The following SMCO4 variants were observed in gnomAD, a reference collection of about 807,000 sequenced individuals.
SMCO4 encodes the protein single-pass membrane and coiled-coil domain-containing protein 4.
A neutral mutation model predicts 3.6 loss-of-function variants in SMCO4; 4 were observed. That is an observed-to-expected ratio of 1.11 (90% confidence interval 0.54 to 2.53). The LOEUF is 2.53. Ranked by LOEUF, SMCO4 falls within the 30% of genes most tolerant of loss-of-function variation. The pLI is 0.02. For missense variants in SMCO4, 70 were observed against 80.8 expected (o/e 0.87, Z 0.51); for synonymous variants, 36 against 35.3 (o/e 1.02, Z -0.07).
chr11:93,545,004 C>G (rs1949304617), upstream of SMCO4, among the ~76,000 whole-genome samples: 1 of 152,132 alleles, frequency 6.6e-6, no homozygotes, highest in Non-Finnish European at 1.5e-5. Context: ...TAGCTCCACA[C>G]TAGGGCAGAG....
At chr11:93,543,856 C>T (rs6483252), upstream of SMCO4, among the ~76,000 whole-genome samples, 149,500 of 152,334 alleles carry the variant, frequency 0.98, 73,415 homozygotes, top group East Asian at 1. Flanking sequence ...TGAGTTGAGA[C>T]TTTTACCGCT....
chr11:93,479,233 G>A lies in SMCO4; in HGVS notation c.-44C>T. 6.3e-7 allele frequency: 1 copy of A among 1,592,148 alleles called. No homozygotes were observed. On this transcript the variant is annotated 5_prime_UTR_variant, in exon 3 of 3. Coordinates refer to ENST00000298966, the MANE Select transcript of SMCO4 (RefSeq NM_020179.3). ...GGAGGGTGTGTCCAGAGGGATTCCA[G>A]GAAGGGCCACACTCCTCTTGCCAAG...
At chr11:93,504,986 G>A (rs1948885373) in intron 1 of SMCO4, among the ~76,000 whole-genome samples, 1 of 152,192 alleles carries the variant, frequency 6.6e-6, no homozygotes, top group African/African-American at 2.4e-5. Flanking sequence ...TTCTAAGTAT[G>A]TTTATGCATA....
At chr11:93,481,575 T>A in intron 2 of SMCO4, 1 of 955,306 alleles carries the variant, frequency 1.0e-6, no homozygotes, top group Non-Finnish European at 1.2e-6. Context: ...CAGGCTTTAT[T>A]ATCCCCATCA....
upstream of SMCO4, among the ~76,000 whole-genome samples, chr11:93,546,038 C>T (rs1162279501): frequency 6.6e-6 from 1 of 152,174 alleles, no homozygotes; most frequent in African/African-American, 2.4e-5. Context: ...CCAGCCAACC[C>T]AGGAATTGTG....
chr11:93,532,603 T>A (rs1051236452), intron 1 of SMCO4, among the ~76,000 whole-genome samples: 4 of 152,194 alleles, frequency 2.6e-5, no homozygotes, highest in African/African-American at 9.7e-5. Context: ...TCTGTCTATG[T>A]CCTATTGGTT....
chr11:93,550,287 C>A, the SMCO4 span, among the ~76,000 whole-genome samples: 3 of 152,278 alleles, frequency 2.0e-5, no homozygotes, highest in South Asian at 6.2e-4. Flanking sequence ...GCTCTTCTAA[C>A]TCCTTTCAGA....
At chr11:93,522,169 G>T (rs975077118) in intron 1 of SMCO4, among the ~76,000 whole-genome samples, 3 of 152,150 alleles carry the variant, frequency 2.0e-5, no homozygotes, top group African/African-American at 7.2e-5. Context: ...CGGGTTAATT[G>T]GATTTGTATC....
chr11:93,489,341 A>G (rs1317840014), intron 2 of SMCO4, among the ~76,000 whole-genome samples: 2 of 152,362 alleles, frequency 1.3e-5, no homozygotes, highest in Admixed American at 6.5e-5. Flanking sequence ...GAATAATGAC[A>G]AAATAATTAT....
At chr11:93,494,957 C>G (rs544271508) in intron 2 of SMCO4, among the ~76,000 whole-genome samples, 1 of 152,056 alleles carries the variant, frequency 6.6e-6, no homozygotes. Context: ...TCAACTCCCA[C>G]CCCACCGTGC....
intron 1 of SMCO4, among the ~76,000 whole-genome samples, chr11:93,501,507 G>A (rs1264427191): frequency 1.3e-5 from 2 of 152,038 alleles, no homozygotes; most frequent in East Asian, 1.9e-4. Flanking sequence ...ACATCATTCC[G>A]ACCTCTGCCT....
intron 1 of SMCO4, among the ~76,000 whole-genome samples, chr11:93,535,266 C>T (rs960761275): frequency 6.6e-6 from 1 of 152,190 alleles, no homozygotes; most frequent in African/African-American, 2.4e-5. Context: ...CCAGGTACCA[C>T]AATGCCACCA....
intron 1 of SMCO4, among the ~76,000 whole-genome samples, chr11:93,518,778 A>T (rs1013192197): frequency 6.6e-6 from 1 of 152,228 alleles, no homozygotes; most frequent in Admixed American, 6.5e-5. Flanking sequence ...TAACAAAAAA[A>T]TCACACCTAA....
chr11:93,532,204 C>A (rs1168821145), intron 1 of SMCO4, among the ~76,000 whole-genome samples: 1 of 152,172 alleles, frequency 6.6e-6, no homozygotes, highest in Admixed American at 6.5e-5. Flanking sequence ...GGGCCCTAAT[C>A]CAATGACTAG....
At chr11:93,515,394 T>C (rs1342548466) in intron 1 of SMCO4, among the ~76,000 whole-genome samples, 1 of 152,214 alleles carries the variant, frequency 6.6e-6, no homozygotes. Flanking sequence ...TTCATTATTT[T>C]ATTGGATCAT....
intron 1 of SMCO4, among the ~76,000 whole-genome samples, chr11:93,505,890 A>G (rs1948894912): frequency 6.6e-6 from 1 of 152,076 alleles, no homozygotes; most frequent in South Asian, 2.1e-4. Flanking sequence ...GATGATGATG[A>G]TGATGAAAAT....
intron 2 of SMCO4, among the ~76,000 whole-genome samples, chr11:93,480,479 G>A (rs1009571568): frequency 6.6e-6 from 1 of 152,196 alleles, no homozygotes; most frequent in Non-Finnish European, 1.5e-5. Flanking sequence ...TATGCCCACA[G>A]CCTAGCCTTC....
chr11:93,516,462 T>C (rs900207098), intron 1 of SMCO4, among the ~76,000 whole-genome samples: 1 of 152,246 alleles, frequency 6.6e-6, no homozygotes, highest in South Asian at 2.1e-4. Context: ...GTGCTAATTG[T>C]GCATAATGAC....
chr11:93,553,942 T>C, the SMCO4 span, among the ~76,000 whole-genome samples: 2 of 152,186 alleles, frequency 1.3e-5, no homozygotes, highest in African/African-American at 2.4e-5. Context: ...GTTCCCAGCA[T>C]TGCAACTTCT....
Sources: allele counts gnomAD v4.1 joint callset (sites outside exome capture counted in the v4.1 genomes callset), GRCh38; gene constraint gnomAD v4.1.1; transcripts MANE v1.5; gene names NCBI Gene and HGNC (gene_info 2026-07-23, HGNC 2026-07-21).